SGCD: variants seen among roughly 807,000 people sequenced by gnomAD.
SGCD encodes the protein delta-sarcoglycan.
Under a neutral mutation model 36.6 loss-of-function variants are expected in SGCD, and 18 were observed. That is an observed-to-expected ratio of 0.49 (90% confidence interval 0.34 to 0.73). The LOEUF is 0.73. SGCD is among the 30% of genes least tolerant of loss of function. The pLI, the probability that SGCD is intolerant of heterozygous loss-of-function variation, is 0.01. For missense variants in SGCD, 387 were observed against 346.7 expected, an observed-to-expected ratio of 1.12 and a Z score of -0.92; for synonymous variants, 133 against 130.6, an observed-to-expected ratio of 1.02 and a Z score of -0.12.
the SGCD span, among the ~76,000 whole-genome samples, chr5:155,803,890 G>T: frequency 6.6e-6 from 1 of 152,266 alleles, no homozygotes; most frequent in South Asian, 2.1e-4. Context: ...GGGCAGCGCA[G>T]CACAATAAAG....
At chr5:155,793,972 A>C in the SGCD span, among the ~76,000 whole-genome samples, 3 of 142,986 alleles carry the variant, frequency 2.1e-5, no homozygotes, top group Non-Finnish European at 4.6e-5. Flanking sequence ...AAAAAAAAAG[A>C]GAGAGAAAGA....
At chr5:156,695,381 C>T (rs1222398272) in intron 7 of SGCD, among the ~76,000 whole-genome samples, 1 of 152,074 alleles carries the variant, frequency 6.6e-6, no homozygotes, top group South Asian at 2.1e-4. Context: ...CCAAAAACTG[C>T]CTTCCAAATT....
chr5:156,035,534 T>C (rs1194223038), intron 1 of SGCD, among the ~76,000 whole-genome samples: 1 of 152,034 alleles, frequency 6.6e-6, no homozygotes, highest in African/African-American at 2.4e-5. Flanking sequence ...CACTTGAACA[T>C]AGATGTTTGA....
chr5:155,941,246 C>T (rs1015713213), intron 1 of SGCD, among the ~76,000 whole-genome samples: 3 of 152,222 alleles, frequency 2.0e-5, no homozygotes, highest in Non-Finnish European at 4.4e-5. Context: ...AACCTAACCA[C>T]ATCTTATTAT....
At chr5:156,514,626 C>G (rs375790425) in intron 4 of SGCD, among the ~76,000 whole-genome samples, 1 of 152,044 alleles carries the variant, frequency 6.6e-6, no homozygotes, top group Non-Finnish European at 1.5e-5. Context: ...TGTATGAAAA[C>G]CAGCATATAG....
At chr5:156,225,077 A>G (rs1186925416) in intron 3 of SGCD, among the ~76,000 whole-genome samples, 2 of 152,096 alleles carry the variant, frequency 1.3e-5, no homozygotes, top group Non-Finnish European at 2.9e-5. Context: ...CTTCATCACC[A>G]ATGGCATTGT....
At chr5:156,712,630 C>T (rs1201095622) in intron 7 of SGCD, among the ~76,000 whole-genome samples, 1 of 152,160 alleles carries the variant, frequency 6.6e-6, no homozygotes, top group Non-Finnish European at 1.5e-5. Flanking sequence ...TCTCAGGAAA[C>T]ACTAGAGGCA....
chr5:156,183,471 G>A (rs545555267), intron 3 of SGCD, among the ~76,000 whole-genome samples: 4 of 152,150 alleles, frequency 2.6e-5, no homozygotes, highest in Non-Finnish European at 5.9e-5. Flanking sequence ...GCAGTGGTAC[G>A]ATCTCAGTTT....
intron 2 of SGCD, among the ~76,000 whole-genome samples, chr5:156,341,319 TTTTTATTTTA>T (rs976288664): frequency 6.6e-6 from 1 of 152,246 alleles, no homozygotes; most frequent in Non-Finnish European, 1.5e-5. Context: ...CTTTTTTTAT[TTTTTATTTTA>T]TTTTATTTTA....
chr5:155,761,628 C>G, the SGCD span, among the ~76,000 whole-genome samples: 372 of 145,522 alleles, frequency 2.6e-3, 3 homozygotes, highest in African/African-American at 8.9e-3. Context: ...CATCATCACT[C>G]TCTCCATCAT....
intron 1 of SGCD, among the ~76,000 whole-genome samples, chr5:155,963,623 A>G (rs1057134223): frequency 2.0e-5 from 3 of 152,060 alleles, no homozygotes; most frequent in Admixed American, 2.0e-4. Flanking sequence ...AATTATTTTT[A>G]TCTCCCCATT....
In SGCD at chr5:156,746,134, G is replaced by GA. The variant is rs200815530; in HGVS notation, c.576-11437dup. Among the ~76,000 whole-genome samples, 921 of 147,784 alleles carry GA rather than the reference G, an allele frequency of 6.2e-3. 11 individuals carry two copies. The highest frequency in any genetic ancestry group is 0.021 in the African/African-American group (837 of 40,386). On this transcript the variant is annotated intron_variant, in intron 7 of 8. Transcript: ENST00000337851. ...TCAGAGATAAAAAAGGAGTAGGCGAGAAAAAAAAAACCAAGTAGAAGTTCT... is the reference window on the plus strand; with the variant it reads ...TCAGAGATAAAAAAGGAGTAGGCGAGAAAAAAAAAAACCAAGTAGAAGTTCT...
chr5:155,795,524 T>G, the SGCD span, among the ~76,000 whole-genome samples: 1 of 152,146 alleles, frequency 6.6e-6, no homozygotes, highest in Admixed American at 6.6e-5. Flanking sequence ...AAATTATTTT[T>G]TACTAATAAC....
intron 1 of SGCD, among the ~76,000 whole-genome samples, chr5:155,934,210 C>T (rs770160170): frequency 2.0e-5 from 3 of 152,166 alleles, no homozygotes; most frequent in South Asian, 4.1e-4. Flanking sequence ...TGCAGAGCCA[C>T]ACGAAGTGAG....
the SGCD span, among the ~76,000 whole-genome samples, chr5:155,745,850 G>T: frequency 1.3e-5 from 2 of 152,304 alleles, no homozygotes; most frequent in South Asian, 4.1e-4. Context: ...AGTACAAAGT[G>T]TTGGAATGAA....
chr5:155,904,366 T>G (rs1756454139), intron 1 of SGCD, among the ~76,000 whole-genome samples: 1 of 152,190 alleles, frequency 6.6e-6, no homozygotes, highest in African/African-American at 2.4e-5. Context: ...CAAAATACAC[T>G]GAACATAAAA....
chr5:156,392,356 T>A (rs1771618420), intron 3 of SGCD, among the ~76,000 whole-genome samples: 1 of 152,152 alleles, frequency 6.6e-6, no homozygotes, highest in Admixed American at 6.5e-5. Flanking sequence ...AGTAGTGAAA[T>A]GGGGAAAGTT....
chr5:156,481,014 G>A (rs1164806082), intron 3 of SGCD, among the ~76,000 whole-genome samples: 1 of 152,130 alleles, frequency 6.6e-6, no homozygotes, highest in East Asian at 1.9e-4. Flanking sequence ...CATTATCACA[G>A]TTTTGAACAT....
chr5:156,405,916 G>C (rs189906715), intron 3 of SGCD, among the ~76,000 whole-genome samples: 2 of 151,060 alleles, frequency 1.3e-5, no homozygotes, highest in African/African-American at 4.9e-5. Context: ...TACAAGGCAG[G>C]GGCCAAAACT....
Sources: gnomAD v4.1 joint callset for allele counts (sites outside exome capture counted in the v4.1 genomes callset) on GRCh38, gnomAD v4.1.1 for gene constraint, MANE v1.5 for transcripts, NCBI Gene and HGNC (gene_info 2026-07-23, HGNC 2026-07-21) for gene names.